SLC10A7: variants seen among roughly 807,000 people sequenced by gnomAD.
The protein encoded by SLC10A7 is solute carrier family 10 member 7.
SLC10A7 carries 29 observed loss-of-function variants against 43.2 expected under a neutral mutation model. The ratio of observed to expected loss-of-function variants is 0.67; its 90% CI spans 0.50 to 0.92. The LOEUF (loss-of-function observed/expected upper bound fraction) is 0.92, where lower values mean the gene tolerates loss of function less well. Among genes scored for constraint, SLC10A7 ranks in the 40% least tolerant of loss-of-function variants. The probability of loss-of-function intolerance (pLI) is 0.00; values close to 1 mark genes in which losing one functional copy is unlikely to be tolerated. For synonymous variants in SLC10A7, 152 were observed against 144.8 expected (o/e 1.05, Z -0.35); for missense variants, 295 against 403.2 (o/e 0.73, Z 2.30).
chr4:146,464,273 A>G (rs1459884281), intron 4 of SLC10A7, among the ~76,000 whole-genome samples: 2 of 152,228 alleles, frequency 1.3e-5, no homozygotes, highest in Non-Finnish European at 2.9e-5. Context: ...TAAGTGGACA[A>G]ATAGAGTTAC....
Position 146,503,841 on chromosome 4 carries a change from T to A in SLC10A7, c.396+8A>T. 6.2e-7 allele frequency: 1 copy of A among 1,613,142 alleles called. No homozygotes were observed. Among genetic ancestry groups the A allele is most frequent in the Non-Finnish European group, 8.5e-7 (1 of 1,179,100 alleles). ...CTTATGTTTAAATAAGGTAGCCCCA[T>A]GACTCACCTCATTTCCACCAACTGC... is the stretch of plus-strand genomic sequence containing the variant. On this transcript the variant is annotated splice_region_variant and intron_variant, in intron 4 of 11. Transcript: ENST00000335472.
intron 5 of SLC10A7, among the ~76,000 whole-genome samples, chr4:146,351,679 C>T (rs564721840): frequency 1.8e-4 from 27 of 151,766 alleles, no homozygotes; most frequent in Middle Eastern, 3.4e-3. Context: ...AGACTAACAG[C>T]GGATCTCTTG....
At chr4:146,337,560 T>A (rs976130467) in intron 5 of SLC10A7, among the ~76,000 whole-genome samples, 3 of 152,040 alleles carry the variant, frequency 2.0e-5, no homozygotes, top group Non-Finnish European at 2.9e-5. Flanking sequence ...TCAGTTGATA[T>A]AAAACACCAC....
intron 10 of SLC10A7, among the ~76,000 whole-genome samples, chr4:146,268,776 A>G (rs974825413): frequency 2.0e-5 from 3 of 152,164 alleles, no homozygotes; most frequent in African/African-American, 4.8e-5. Flanking sequence ...GTGAATACAG[A>G]CAGACTAGCT....
intron 9 of SLC10A7, among the ~76,000 whole-genome samples, chr4:146,284,904 T>TA (rs1299165720): frequency 6.6e-6 from 1 of 151,592 alleles, no homozygotes; most frequent in Admixed American, 6.6e-5. Flanking sequence ...GAGAGAGAAA[T>TA]AGAGTGCTTT....
In SLC10A7 at chr4:146,318,083, C is replaced by T. The variant is rs72950644; in HGVS notation, c.471+7878G>A. Among the ~76,000 whole-genome samples, 952 of 152,150 alleles carry T rather than the reference C, an allele frequency of 6.3e-3. 6 individuals are homozygous for T. The highest frequency in any genetic ancestry group is 0.021 in the African/African-American group (888 of 41,526). ...TTATTTTTTCTGTATCAGTTTTTCT[C>T]TCCATAACTGGGTTAATCCGATTGA... is the stretch of plus-strand genomic sequence containing the variant. On this transcript the variant is annotated intron_variant, in intron 6 of 11. Transcript: ENST00000335472.
intron 4 of SLC10A7, among the ~76,000 whole-genome samples, chr4:146,449,686 C>CACA (rs1438751072): frequency 7.3e-5 from 11 of 150,640 alleles, no homozygotes; most frequent in East Asian, 2.0e-4. Flanking sequence ...CCACCACCAC[C>CACA]ACAACAACAA....
intron 5 of SLC10A7, among the ~76,000 whole-genome samples, chr4:146,343,891 C>T (rs1734433851): frequency 6.6e-6 from 1 of 151,856 alleles, no homozygotes; most frequent in South Asian, 2.1e-4. Flanking sequence ...ATTTTTTAAA[C>T]AAATTCAACA....
At chr4:146,409,502 G>C (rs1353341597) in intron 5 of SLC10A7, among the ~76,000 whole-genome samples, 2 of 152,026 alleles carry the variant, frequency 1.3e-5, no homozygotes, top group Non-Finnish European at 2.9e-5. Flanking sequence ...AGGGCACAGG[G>C]AAACTTTGGG....
Position 146,424,680 on chromosome 4 carries a change from CA to C in SLC10A7, c.435+18102del, listed in dbSNP as rs898643394. ...ATCTCAGAAAAAAACAAAAAAAAAACAAAAACAAAAACAAAAAAACAGAAGA... is the reference window on the plus strand; with the variant it reads ...ATCTCAGAAAAAAACAAAAAAAAAACAAAACAAAAACAAAAAAACAGAAGA... On this transcript the variant is annotated intron_variant, in intron 5 of 11. Coordinates refer to ENST00000335472, the MANE Select transcript of SLC10A7 (RefSeq NM_001029998.6). Among the ~76,000 whole-genome samples, 65 of 150,348 alleles carry C rather than the reference CA, an allele frequency of 4.3e-4. 1 individual carries two copies. The highest frequency in any genetic ancestry group is 7.4e-4 in the Non-Finnish European group (50 of 67,448).
intron 4 of SLC10A7, among the ~76,000 whole-genome samples, chr4:146,460,748 T>C (rs960362107): frequency 6.6e-5 from 10 of 152,038 alleles, no homozygotes; most frequent in Non-Finnish European, 1.5e-4. Context: ...GTAGTGTTTA[T>C]ACAATTTTAT....
chr4:146,332,920 A>T (rs1010938027), intron 5 of SLC10A7, among the ~76,000 whole-genome samples: 2 of 152,184 alleles, frequency 1.3e-5, no homozygotes, highest in African/African-American at 4.8e-5. Context: ...GATTGTGGTG[A>T]TCCCATTAAA....
chr4:146,509,790 G>T, intron 3 of SLC10A7, 123 bp downstream of exon 3: 1 of 792,596 alleles, frequency 1.3e-6, no homozygotes, highest in Non-Finnish European at 1.9e-6. Flanking sequence ...AAACAAAGAT[G>T]TGTTTTTACT....
chr4:146,346,403 T>C (rs1480445652), intron 5 of SLC10A7, among the ~76,000 whole-genome samples: 2 of 152,110 alleles, frequency 1.3e-5, no homozygotes, highest in African/African-American at 2.4e-5. Flanking sequence ...CAAGAAACAA[T>C]GACAAAAACA....
chr4:146,369,071 C>T (rs1736589927), intron 5 of SLC10A7, among the ~76,000 whole-genome samples: 1 of 152,132 alleles, frequency 6.6e-6, no homozygotes, highest in Non-Finnish European at 1.5e-5. Flanking sequence ...ACTTCCTATT[C>T]ATGATTAGTA....
intron 5 of SLC10A7, among the ~76,000 whole-genome samples, chr4:146,377,388 G>A (rs991665706): frequency 6.6e-6 from 1 of 152,170 alleles, no homozygotes; most frequent in Non-Finnish European, 1.5e-5. Context: ...ATCTGTGGAT[G>A]GCAGCTGCTA....
At chr4:146,321,423 C>T (rs1386812809) in intron 6 of SLC10A7, among the ~76,000 whole-genome samples, 1 of 152,014 alleles carries the variant, frequency 6.6e-6, no homozygotes, top group Non-Finnish European at 1.5e-5. Flanking sequence ...TGATTCAGGG[C>T]CCACTCTATT....
In SLC10A7 at chr4:146,365,749, T is replaced by C. The variant is rs115289509; in HGVS notation, c.436-39753A>G. ...AAATACTGGAGACAAACAGGTCTATTTGAGTCTTGGATTATTTTCTACTAG... is the reference window on the plus strand; with the variant it reads ...AAATACTGGAGACAAACAGGTCTATCTGAGTCTTGGATTATTTTCTACTAG... On this transcript the variant is annotated intron_variant, in intron 5 of 11. Transcript: ENST00000335472. Among the ~76,000 whole-genome samples, 802 of 152,302 alleles carry C rather than the reference T, an allele frequency of 5.3e-3. 7 individuals carry two copies. Among genetic ancestry groups the C allele is most frequent in the African/African-American group, 0.019 (778 of 41,554 alleles).
intron 5 of SLC10A7, among the ~76,000 whole-genome samples, chr4:146,382,057 G>GA (rs879816082): frequency 0.012 from 1,782 of 146,736 alleles, 12 homozygotes; most frequent in Middle Eastern, 0.025. Context: ...TGGGATAAGA[G>GA]AAAAAAAAAA....
Sources: allele counts gnomAD v4.1 joint callset (sites outside exome capture counted in the v4.1 genomes callset), GRCh38; gene constraint gnomAD v4.1.1; transcripts MANE v1.5; gene names NCBI Gene and HGNC (gene_info 2026-07-23, HGNC 2026-07-21).